The following SHISA5 variants were observed in gnomAD, a reference collection of about 807,000 sequenced individuals.
SHISA5 encodes shisa family member 5, also known as protein shisa-5.
In SHISA5, 21 loss-of-function variants were observed where a neutral mutation model predicts 27.5. That is an observed-to-expected ratio of 0.76 (90% CI 0.54 to 1.10). SHISA5 has a LOEUF of 1.10. SHISA5 is among the 50% of genes least tolerant of loss of function. SHISA5 has a pLI of 0.00. For missense variants in SHISA5, 314 were observed against 336.3 expected (o/e 0.93, Z 0.52); for synonymous variants, 137 against 142.2 (o/e 0.96, Z 0.26).
Position 48,495,454 on chromosome 3 carries a change from TC to T in SHISA5, c.233+5682del, listed in dbSNP as rs1231944677. Among the ~76,000 whole-genome samples, 20 of 146,098 alleles carry T rather than the reference TC, an allele frequency of 1.4e-4. 2 individuals carry two copies. Among genetic ancestry groups the T allele is most frequent in the Admixed American group, 8.0e-4 (12 of 14,936 alleles). On this transcript the variant is annotated intron_variant, in intron 2 of 5. Coordinates refer to ENST00000296444, the MANE Select transcript of SHISA5 (RefSeq NM_016479.6). Reference sequence around the variant, plus strand: ...TGGGGAGAAACTCCCATACATTTGGTCACAGAAATCTTGTGTTGATTGTTCT... The same window carrying T: ...TGGGGAGAAACTCCCATACATTTGGTACAGAAATCTTGTGTTGATTGTTCT...
At chr3:48,474,311 C>A (rs2040745463) in intron 3 of SHISA5, among the ~76,000 whole-genome samples, 1 of 150,894 alleles carries the variant, frequency 6.6e-6, no homozygotes, top group Non-Finnish European at 1.5e-5. Flanking sequence ...AATTTTTAAT[C>A]TTTAATTAAA....
In SHISA5 at chr3:48,489,422, C is replaced by T. The variant is rs181378575; in HGVS notation, c.234-10165G>A. Reference sequence around the variant, plus strand: ...CTGCAAGCTCTGCCTCCCGGGTTCACGCCATTCCTGCCTCAGTCTCCTGAG... The same window carrying T: ...CTGCAAGCTCTGCCTCCCGGGTTCATGCCATTCCTGCCTCAGTCTCCTGAG... On this transcript the variant is annotated intron_variant, in intron 2 of 5. Transcript: ENST00000296444. Among the ~76,000 whole-genome samples the T allele has an allele frequency of 2.8e-4, 42 of 149,498 alleles. 1 individual carries two copies. Among genetic ancestry groups the T allele is most frequent in the African/African-American group, 9.4e-4 (38 of 40,596 alleles).
In SHISA5 at chr3:48,469,471, T is replaced by C. The variant is rs763371117; in HGVS notation, c.533A>G (p.His178Arg). 1 of 1,613,750 alleles carries C rather than the reference T, an allele frequency of 6.2e-7. No homozygotes were observed. Among genetic ancestry groups the C allele is most frequent in the Non-Finnish European group, 8.5e-7 (1 of 1,179,864 alleles). Residue 178 changes from histidine (H) to arginine (R), a missense_variant, in exon 5 of 6, where the codon CAC becomes CGC. His to Arg is a conservative substitution (Grantham distance 29, BLOSUM62 0). Coordinates refer to ENST00000296444, the MANE Select transcript of SHISA5 (RefSeq NM_016479.6). The surrounding 1 kb of genome is among the most constrained non-coding windows in gnomAD (Gnocchi z 4.6). Reference sequence around the variant, plus strand: ...CATCCCTGGCTGAGGCGGCATGGTGTGGTAGCCCTGGTAGCTTGGTCCAGG... The same window carrying C: ...CATCCCTGGCTGAGGCGGCATGGTGCGGTAGCCCTGGTAGCTTGGTCCAGG... ...SYPGPSYQGY[H>R]TMPPQPGMPA...
intron 3 of SHISA5, among the ~76,000 whole-genome samples, chr3:48,478,639 AGAG>A (rs1297360127): frequency 8.5e-5 from 13 of 152,070 alleles, no homozygotes; most frequent in Non-Finnish European, 1.9e-4. Flanking sequence ...TGGTTCCCTG[AGAG>A]GAGAGTCCTG....
At chr3:48,503,914 G>A (rs1175304334) in intron 1 of SHISA5, 105 bp downstream of exon 1, 4 of 1,365,036 alleles carry the variant, frequency 2.9e-6, no homozygotes, top group Non-Finnish European at 3.8e-6. Context: ...AGGGGTCAGT[G>A]GGGGGCATAG....
intron 2 of SHISA5, among the ~76,000 whole-genome samples, chr3:48,480,325 G>T (rs2040968395): frequency 1.3e-5 from 2 of 151,234 alleles, no homozygotes. Flanking sequence ...CTCTTGATTT[G>T]TATTGTGTTA....
intron 2 of SHISA5, among the ~76,000 whole-genome samples, chr3:48,487,628 C>T (rs1344131348): frequency 2.0e-5 from 3 of 152,170 alleles, no homozygotes; most frequent in Non-Finnish European, 4.4e-5. Context: ...GGCGCAGTGG[C>T]TCACATCTGT....
chr3:48,480,291 A>T (rs1381326697), intron 2 of SHISA5, among the ~76,000 whole-genome samples: 2 of 152,106 alleles, frequency 1.3e-5, no homozygotes, highest in Non-Finnish European at 2.9e-5. Flanking sequence ...GGTACAAAAA[A>T]AAAAAAGCAA....
chr3:48,502,520 C>T (rs762838487), intron 1 of SHISA5: 21 of 387,834 alleles, frequency 5.4e-5, no homozygotes, highest in East Asian at 3.1e-4. Context: ...TCTCAATAAA[C>T]GAGGTCATGC....
chr3:48,483,309 T>C (rs1211330646), intron 2 of SHISA5, among the ~76,000 whole-genome samples: 1 of 152,148 alleles, frequency 6.6e-6, no homozygotes, highest in Non-Finnish European at 1.5e-5. Flanking sequence ...CATGCTGCCT[T>C]CAAGCATCTG....
intron 2 of SHISA5, among the ~76,000 whole-genome samples, chr3:48,483,504 A>G (rs924202892): frequency 1.2e-4 from 18 of 152,288 alleles, no homozygotes; most frequent in East Asian, 5.8e-4. Flanking sequence ...ACACAGACAC[A>G]GCAACCATCT....
chr3:48,483,707 CGGG>C (rs2041099971), intron 2 of SHISA5, among the ~76,000 whole-genome samples: 8 of 151,366 alleles, frequency 5.3e-5, no homozygotes, highest in Non-Finnish European at 1.0e-4. Context: ...GGCGGCTGGC[CGGG>C]TGGGGGGCTG....
intron 2 of SHISA5, among the ~76,000 whole-genome samples, chr3:48,497,550 C>T (rs950934506): frequency 5.3e-5 from 8 of 151,264 alleles, no homozygotes; most frequent in Admixed American, 3.3e-4. Context: ...TGTGAGCCAC[C>T]GCACCCGGCC....
intron 1 of SHISA5, among the ~76,000 whole-genome samples, chr3:48,502,788 A>G (rs537637029): frequency 1.3e-5 from 2 of 152,340 alleles, no homozygotes; most frequent in Admixed American, 6.5e-5. Context: ...GCCCTGAGGC[A>G]TAACTACATC....
At chr3:48,502,375 AG>A (rs1394031550) in intron 1 of SHISA5, 4 of 456,614 alleles carry the variant, frequency 8.8e-6, no homozygotes, top group African/African-American at 2.0e-5. Context: ...GCAGGTGTCC[AG>A]GAAATGTCTG....
upstream of SHISA5, chr3:48,504,332 A>C (rs1267421091): frequency 2.8e-6 from 1 of 351,568 alleles, no homozygotes; most frequent in African/African-American, 2.1e-5. This position sits in a 1 kb window ranked among gnomAD's most constrained non-coding sequence, Gnocchi z 4.0. Flanking sequence ...CCTCGGGGCC[A>C]GCTTCGCGCC....
intron 2 of SHISA5, among the ~76,000 whole-genome samples, chr3:48,496,745 G>A (rs1406529933): frequency 2.1e-5 from 3 of 144,958 alleles, no homozygotes; most frequent in Non-Finnish European, 3.0e-5. Context: ...AAAAAAAAAA[G>A]AAAAGAAATT....
chr3:48,501,174 C>T lies in SHISA5; in HGVS notation c.196G>A (p.Val66Met). Residue 66 changes from valine (V) to methionine (M), a missense_variant, in exon 2 of 6, where the codon GTG becomes ATG. Val to Met is a conservative substitution (Grantham distance 21). Transcript: ENST00000296444. ...ACAGCACACCTTTCCTCGCTCCACA[C>T]AAATTTCTTCAGCACGTCAGAGCAG... is the stretch of plus-strand genomic sequence containing the variant. ...YCCSDVLKKF[V>M]WSEERCAVPE... 1 of 1,614,030 alleles carries T rather than the reference C, an allele frequency of 6.2e-7. No individual in the cohort carries two copies. Among genetic ancestry groups the T allele is most frequent in the Non-Finnish European group, 8.5e-7 (1 of 1,179,920 alleles).
rs561746483 is a variant in SHISA5 at position 48,476,915 on chromosome 3, C to G, written c.314+2262G>C. On this transcript the variant is annotated intron_variant, in intron 3 of 5. Transcript: ENST00000296444. ...ACGAGGCCCAGTGCTATGCACACCA[C>G]GGCGGCAGCTGGGCTAACAGAACAG... The G allele has an allele frequency of 2.4e-3, 875 of 359,128 alleles. 15 individuals carry two copies. Among genetic ancestry groups the G allele is most frequent in the South Asian group, 0.018 (842 of 47,686 alleles). The allele number at this position is 359,128 out of a possible 1,614,324, so 22.2% of individuals were successfully genotyped here.
Sources: allele counts gnomAD v4.1 joint callset (sites outside exome capture counted in the v4.1 genomes callset), GRCh38; gene constraint gnomAD v4.1.1; non-coding constraint Gnocchi (gnomAD v3.1); transcripts MANE v1.5; gene names NCBI Gene and HGNC (gene_info 2026-07-23, HGNC 2026-07-21).